HTR3B: variants seen among roughly 807,000 people sequenced by gnomAD.
HTR3B encodes the protein 5-hydroxytryptamine receptor 3B.
A neutral mutation model predicts 42.8 loss-of-function variants in HTR3B; 44 were observed. The observed-to-expected ratio is 1.03, with a 90% confidence interval of 0.81 to 1.32. The LOEUF (loss-of-function observed/expected upper bound fraction) is 1.32. Ranked by LOEUF, HTR3B falls within the 40% of genes most tolerant of loss-of-function variation. HTR3B has a pLI of 0.00. For missense variants in HTR3B, 527 were observed against 536.5 expected (o/e 0.98, Z 0.17); for synonymous variants, 203 against 209.0 (o/e 0.97, Z 0.25).
rs1054249710 is a variant in HTR3B, at chr11:113,933,115, C to G, written c.696+22C>G. 1.9e-6 allele frequency: 3 copies of G among 1,603,204 alleles called. No homozygotes were observed. In the African/African-American group the frequency reaches 4.0e-5, roughly 21 times the overall value. On this transcript the variant is annotated intron_variant, in intron 6 of 8. Transcript: ENST00000260191. Reference sequence around the variant, plus strand: ...TAATGTAGGTTCTTTACTACCTGTCCCCGTTGCCCGCTTCTCCCCAGCCTT... The same window carrying G: ...TAATGTAGGTTCTTTACTACCTGTCGCCGTTGCCCGCTTCTCCCCAGCCTT...
In HTR3B at chr11:113,946,334, C is replaced by T. The variant is rs565120126; in HGVS notation, c.*197C>T. On this transcript the variant is annotated 3_prime_UTR_variant, in exon 9 of 9. Transcript: ENST00000260191. ...AGAGCAACATAGTGAGACCACATCTCTACCAGTAAATAAATAAATAAATAA... is the reference window on the plus strand; with the variant it reads ...AGAGCAACATAGTGAGACCACATCTTTACCAGTAAATAAATAAATAAATAA... The T allele has an allele frequency of 5.2e-5, 22 of 422,600 alleles. No homozygotes were observed. Among genetic ancestry groups the T allele is most frequent in the African/African-American group, 4.0e-4 (19 of 47,628 alleles). 26.2% of individuals were successfully genotyped at this position (422,600 alleles called of 1,614,324 possible). A position where few individuals can be genotyped will look rare whatever the true frequency, so the allele number is the denominator to read the frequency against.
Position 113,947,815 on chromosome 11 carries a change from A to G in HTR3B, c.*1678A>G, listed in dbSNP as rs1950191028. 6.6e-6 allele frequency among the ~76,000 whole-genome samples: 1 copy of G among 152,144 alleles called. No homozygotes were observed. Among genetic ancestry groups the G allele is most frequent in the Non-Finnish European group, 1.5e-5 (1 of 68,024 alleles). Reference sequence around the variant, plus strand: ...AAGGGGACATATTTCAGCCCATAACACTAGTGATTCCGGAGGTTTAGCAAG... The same window carrying G: ...AAGGGGACATATTTCAGCCCATAACGCTAGTGATTCCGGAGGTTTAGCAAG... On this transcript the variant is annotated 3_prime_UTR_variant, in exon 9 of 9. Coordinates refer to ENST00000260191, the MANE Select transcript of HTR3B (RefSeq NM_006028.5).
At chr11:113,923,835 C>T (rs1207219094) in intron 2 of HTR3B, among the ~76,000 whole-genome samples, 1 of 152,152 alleles carries the variant, frequency 6.6e-6, no homozygotes, top group Non-Finnish European at 1.5e-5. Context: ...GTTTTAGCCT[C>T]AAAATACTTT....
chr11:113,926,760 C>T (rs1374667076), intron 2 of HTR3B, among the ~76,000 whole-genome samples: 2 of 152,136 alleles, frequency 1.3e-5, no homozygotes, highest in Non-Finnish European at 1.5e-5. Flanking sequence ...AACTGCTGAC[C>T]TCAGGTGATC....
chr11:113,922,288 G>A (rs1949923768), intron 2 of HTR3B, among the ~76,000 whole-genome samples: 1 of 151,968 alleles, frequency 6.6e-6, no homozygotes, highest in African/African-American at 2.4e-5. Context: ...CATCCAGGCT[G>A]GAGTACAGTG....
chr11:113,944,756 G>A lies in HTR3B; in HGVS notation c.1090+1G>A, dbSNP rs781480559. ...AGGGCCCAACGTGCTGTGGTAACAG[G>A]TGTGTGAGAAGCCTTGTGTTTCTCC... On this transcript the variant is annotated splice_donor_variant, in intron 8 of 8. Coordinates refer to ENST00000260191, the MANE Select transcript of HTR3B (RefSeq NM_006028.5). LOFTEE classifies it high-confidence loss of function. The A allele has an allele frequency of 6.2e-7, 1 of 1,612,708 alleles. No homozygotes were observed. The highest frequency in any genetic ancestry group is 1.7e-5 in the Admixed American group (1 of 59,820).
intron 6 of HTR3B, among the ~76,000 whole-genome samples, chr11:113,935,891 T>C (rs1197105423): frequency 6.6e-6 from 1 of 152,192 alleles, no homozygotes; most frequent in Non-Finnish European, 1.5e-5. Context: ...TGAGGTACAC[T>C]GCTGCCATTT....
intron 2 of HTR3B, among the ~76,000 whole-genome samples, chr11:113,915,888 G>C (rs1949847411): frequency 6.6e-6 from 1 of 152,142 alleles, no homozygotes; most frequent in Admixed American, 6.5e-5. Flanking sequence ...GCCTGGGCTG[G>C]AGTGCAGTGG....
upstream of HTR3B, among the ~76,000 whole-genome samples, chr11:113,901,062 G>T (rs1949694271): frequency 6.6e-6 from 1 of 152,094 alleles, no homozygotes; most frequent in African/African-American, 2.4e-5. Context: ...ATTAGTGGAT[G>T]AAAAATGCTG....
upstream of HTR3B, among the ~76,000 whole-genome samples, chr11:113,901,915 AC>A (rs1949699970): frequency 1.3e-5 from 2 of 152,168 alleles, no homozygotes; most frequent in Admixed American, 1.3e-4. Context: ...TCCCATAAAA[AC>A]TGCTACCTAC....
chr11:113,931,076 A>AT (rs1000589849), intron 2 of HTR3B, among the ~76,000 whole-genome samples: 2 of 152,182 alleles, frequency 1.3e-5, no homozygotes, highest in Non-Finnish European at 1.5e-5. Context: ...ACAACGTAAC[A>AT]TTTTTTAGTC....
chr11:113,905,097 A>T (rs1352640466), intron 1 of HTR3B, 112 bp downstream of exon 1: 1 of 735,576 alleles, frequency 1.4e-6, no homozygotes, highest in Non-Finnish European at 2.3e-6. Context: ...GTTTTTATTC[A>T]TCGTCTGTAA....
intron 6 of HTR3B, among the ~76,000 whole-genome samples, chr11:113,939,559 G>C (rs1318631188): frequency 6.6e-6 from 1 of 152,058 alleles, no homozygotes; most frequent in Admixed American, 6.6e-5. Context: ...CACGTGGTCT[G>C]ATAAACCTGT....
Position 113,947,012 on chromosome 11 carries a change from T to C in HTR3B, c.*875T>C, listed in dbSNP as rs1484384997. ...CCATATCCCTCACCTTCTGAGGCTC[T>C]TGTTACCACTTCCCAGCTAAGTCCA... On this transcript the variant is annotated 3_prime_UTR_variant, in exon 9 of 9. Transcript: ENST00000260191. Among the ~76,000 whole-genome samples, 1 of 152,210 alleles carries C rather than the reference T, an allele frequency of 6.6e-6. No individual in the cohort carries two copies. Among genetic ancestry groups the C allele is most frequent in the African/African-American group, 2.4e-5 (1 of 41,456 alleles).
At chr11:113,935,501 G>T (rs756345955) in intron 6 of HTR3B, among the ~76,000 whole-genome samples, 2 of 130,592 alleles carry the variant, frequency 1.5e-5, no homozygotes, top group African/African-American at 5.2e-5. Flanking sequence ...GAGCAATTCT[G>T]CAGCTTTAGA....
chr11:113,909,145 G>A (rs1321713207), intron 1 of HTR3B, 150 bp from the exon 2 acceptor site: 4 of 656,728 alleles, frequency 6.1e-6, no homozygotes, highest in South Asian at 5.3e-5. Context: ...TTTGCCAAAG[G>A]CCCCACCAGC....
At chr11:113,907,975 A>G (rs937053267) in intron 1 of HTR3B, among the ~76,000 whole-genome samples, 1 of 152,178 alleles carries the variant, frequency 6.6e-6, no homozygotes, top group Non-Finnish European at 1.5e-5. Context: ...TTTGACAATA[A>G]CAGTTCACAA....
chr11:113,899,861 A>G (rs895867132), upstream of HTR3B, among the ~76,000 whole-genome samples: 1 of 152,124 alleles, frequency 6.6e-6, no homozygotes, highest in Non-Finnish European at 1.5e-5. Context: ...AAAGAAATAT[A>G]TTTTCAGGTA....
At position 113,947,996 on chromosome 11, in the gene HTR3B, GA is replaced by G. The variant is rs554212181; in HGVS notation, c.*1864del. Among the ~76,000 whole-genome samples the G allele has an allele frequency of 2.8e-4, 42 of 150,990 alleles. No individual in the cohort carries two copies. The highest frequency in any genetic ancestry group is 4.9e-4 in the Non-Finnish European group (33 of 67,846). On this transcript the variant is annotated 3_prime_UTR_variant, in exon 9 of 9. Transcript: ENST00000260191. ...ATCTGCCCCCCTCCATCCCCCCAAAGAAAAAGAATTTAAATTCAAACAGCCT... is the reference window on the plus strand; with the variant it reads ...ATCTGCCCCCCTCCATCCCCCCAAAGAAAAGAATTTAAATTCAAACAGCCT...
Sources: allele counts gnomAD v4.1 joint callset (sites outside exome capture counted in the v4.1 genomes callset), GRCh38; gene constraint gnomAD v4.1.1; transcripts MANE v1.5; gene names NCBI Gene and HGNC (gene_info 2026-07-23, HGNC 2026-07-21).